The following APOOL variants were observed in gnomAD, a reference collection of about 807,000 sequenced individuals.
APOOL encodes MICOS complex subunit MIC27.
A neutral mutation model predicts 23.1 loss-of-function variants in APOOL; 12 were observed. The ratio of observed to expected loss-of-function variants is 0.52; its 90% CI spans 0.33 to 0.84. The LOEUF (loss-of-function observed/expected upper bound fraction) is 0.84, where lower values mean the gene tolerates loss of function less well. Among genes scored for constraint, APOOL ranks in the 40% least tolerant of loss-of-function variants. The pLI is 0.02. For missense variants in APOOL, 212 were observed against 199.6 expected (o/e 1.06, Z -0.37); for synonymous variants, 77 against 69.9 (o/e 1.10, Z -0.51).
At chrX:85,026,733 AG>A (rs200044788) in intron 1 of APOOL, among the ~76,000 whole-genome samples, 151 of 111,770 alleles carry the variant, frequency 1.4e-3, no homozygotes, top group East Asian at 0.013. Context: ...AGGCATAGCA[AG>A]GCTGACCTTC....
intron 1 of APOOL, among the ~76,000 whole-genome samples, chrX:85,042,834 CATA>C (rs1922445064): frequency 9.0e-6 from 1 of 111,694 alleles, no homozygotes; most frequent in African/African-American, 3.3e-5. Flanking sequence ...GGATTAAAAT[CATA>C]ATAATCATTT....
chrX:85,061,516 T>A (rs1923221203), intron 5 of APOOL, among the ~76,000 whole-genome samples: 1 of 112,182 alleles, frequency 8.9e-6, no homozygotes, highest in Non-Finnish European at 1.9e-5. Flanking sequence ...GGTCCTGTAC[T>A]TTTTTTGGTT....
chrX:85,078,054 A>G (rs971888982), intron 8 of APOOL, among the ~76,000 whole-genome samples: 1 of 111,509 alleles, frequency 9.0e-6, no homozygotes, highest in African/African-American at 3.3e-5. Context: ...GTTCACTCTG[A>G]TGGTAGTTTC....
chrX:85,092,852 G>T lies in APOOL; in HGVS notation c.*5174G>T. 1 of 323,733 alleles carries T rather than the reference G, an allele frequency of 3.1e-6. No homozygotes were observed. Among genetic ancestry groups the T allele is most frequent in the Non-Finnish European group, 5.3e-6 (1 of 186,930 alleles). 26.7% of individuals were successfully genotyped at this position (323,733 alleles called of 1,213,427 possible). Reference sequence around the variant, plus strand: ...CTCATATGTTTCCAAAATACAAGAAGATCTTGCTTTTATAGTCTTGTAATA... The same window carrying T: ...CTCATATGTTTCCAAAATACAAGAATATCTTGCTTTTATAGTCTTGTAATA... On this transcript the variant is annotated 3_prime_UTR_variant, in exon 9 of 9. Coordinates refer to ENST00000373173, the MANE Select transcript of APOOL (RefSeq NM_198450.6).
Position 85,087,793 on chromosome X carries a change from G to C in APOOL, c.*115G>C. ...ATACATAGAGTATTACCTAAACCAA[G>C]TTTCTCCCTTACATTTCCAAATATG... is the stretch of plus-strand genomic sequence containing the variant. On this transcript the variant is annotated 3_prime_UTR_variant, in exon 9 of 9. Coordinates refer to ENST00000373173, the MANE Select transcript of APOOL (RefSeq NM_198450.6). 1.7e-6 allele frequency: 1 copy of C among 594,868 alleles called. No homozygotes were observed. Among genetic ancestry groups the C allele is most frequent in the Non-Finnish European group, 2.5e-6 (1 of 404,419 alleles). 49.0% of individuals were successfully genotyped at this position (594,868 alleles called of 1,213,427 possible).
chrX:85,085,088 T>C (rs1446356572), intron 8 of APOOL, among the ~76,000 whole-genome samples: 1 of 111,924 alleles, frequency 8.9e-6, no homozygotes, highest in African/African-American at 3.2e-5. Context: ...ATAAAATACA[T>C]AGTAATGTAT....
intron 5 of APOOL, among the ~76,000 whole-genome samples, chrX:85,063,609 C>T (rs1923322162): frequency 9.0e-6 from 1 of 111,565 alleles, no homozygotes; most frequent in South Asian, 3.7e-4. Flanking sequence ...TTTTCTGCGT[C>T]TATTCAGATA....
intron 1 of APOOL, among the ~76,000 whole-genome samples, chrX:85,019,754 G>T (rs1292023879): frequency 8.9e-6 from 1 of 111,929 alleles, no homozygotes; most frequent in Admixed American, 9.4e-5. Flanking sequence ...ATTCCACAAT[G>T]ACTTGACCTC....
chrX:85,080,213 C>T (rs1439624663), intron 8 of APOOL, among the ~76,000 whole-genome samples: 2 of 111,873 alleles, frequency 1.8e-5, no homozygotes, highest in African/African-American at 3.3e-5. Context: ...TTCCTGCTTT[C>T]TCTTGTGGGC....
intron 1 of APOOL, among the ~76,000 whole-genome samples, chrX:85,011,651 A>T (rs1198066650): frequency 9.0e-6 from 1 of 111,579 alleles, no homozygotes; most frequent in East Asian, 2.8e-4. Context: ...AATTGGCTGT[A>T]AGTATTTGGC....
intron 8 of APOOL, among the ~76,000 whole-genome samples, chrX:85,087,234 C>T (rs111476660): frequency 0.017 from 1,911 of 110,916 alleles, 44 homozygotes; most frequent in African/African-American, 0.059. Context: ...AGGTCCATTA[C>T]ACTTGCCGTC....
chrX:85,050,247 T>G (rs1256592535), intron 2 of APOOL, among the ~76,000 whole-genome samples: 2 of 111,516 alleles, frequency 1.8e-5, no homozygotes, highest in African/African-American at 6.5e-5. Context: ...TTATGTTTTA[T>G]TTATTTTTTA....
intron 1 of APOOL, among the ~76,000 whole-genome samples, chrX:85,029,041 A>G (rs1921942246): frequency 8.9e-6 from 1 of 111,874 alleles, no homozygotes; most frequent in African/African-American, 3.2e-5. Context: ...TCTTCTGGGT[A>G]TATATCCAGC....
intron 1 of APOOL, among the ~76,000 whole-genome samples, chrX:85,041,540 G>T (rs1457237617): frequency 9.0e-6 from 1 of 111,558 alleles, no homozygotes; most frequent in African/African-American, 3.3e-5. Context: ...TCAGCACCAT[G>T]AATATGGTCC....
In APOOL at chrX:85,062,935, T is replaced by A. The variant is rs746362555; in HGVS notation, c.395-4192T>A. ...ATAACTGAATGGGAATAGCATTGAATCTTTAAATTCCATTGGGCAACATGG... is the reference window on the plus strand; with the variant it reads ...ATAACTGAATGGGAATAGCATTGAAACTTTAAATTCCATTGGGCAACATGG... On this transcript the variant is annotated intron_variant, in intron 5 of 8. Coordinates refer to ENST00000373173, the MANE Select transcript of APOOL (RefSeq NM_198450.6). Among the ~76,000 whole-genome samples the A allele has an allele frequency of 7.8e-4, 87 of 111,856 alleles. 1 individual carries two copies. Among genetic ancestry groups the A allele is most frequent in the African/African-American group, 2.7e-3 (83 of 30,869 alleles).
In APOOL at chrX:85,089,047, T is replaced by C. The variant is rs1481317218; in HGVS notation, c.*1369T>C. 2 of 111,607 alleles carry C rather than the reference T, an allele frequency of 1.8e-5. No individual in the cohort carries two copies. The highest frequency in any genetic ancestry group is 3.8e-5 in the Non-Finnish European group (2 of 53,116). 9.2% of individuals were successfully genotyped at this position (111,607 alleles called of 1,213,427 possible). On this transcript the variant is annotated 3_prime_UTR_variant, in exon 9 of 9. Coordinates refer to ENST00000373173, the MANE Select transcript of APOOL (RefSeq NM_198450.6). ...ATTGTTACTTTTTGACAAAAGTAAA[T>C]ATTGTCCCTTTTTTCCCTACTTTCA...
At chrX:85,080,915 C>G (rs1037601885) in intron 8 of APOOL, among the ~76,000 whole-genome samples, 1 of 110,590 alleles carries the variant, frequency 9.0e-6, no homozygotes, top group African/African-American at 3.3e-5. Flanking sequence ...GGATTGCAAC[C>G]CCTGCTTTTT....
At chrX:85,035,170 A>T (rs1922174920) in intron 1 of APOOL, among the ~76,000 whole-genome samples, 1 of 111,157 alleles carries the variant, frequency 9.0e-6, no homozygotes, top group South Asian at 3.8e-4. Flanking sequence ...GTGAGATGGT[A>T]TCTCACTGTG....
At chrX:85,004,932 C>T (rs2042794685) in intron 1 of APOOL, among the ~76,000 whole-genome samples, 2 of 110,893 alleles carry the variant, frequency 1.8e-5, no homozygotes, top group African/African-American at 6.6e-5. Flanking sequence ...CAGGAACCCT[C>T]CTCCTGTCGA....
Sources: allele counts gnomAD v4.1 joint callset (sites outside exome capture counted in the v4.1 genomes callset), GRCh38; gene constraint gnomAD v4.1.1; transcripts MANE v1.5; gene names NCBI Gene and HGNC (gene_info 2026-07-23, HGNC 2026-07-21).